Variants in ETV6 observed in about 807,000 individuals in gnomAD.
ETV6 encodes transcription factor ETV6.
Under a neutral mutation model 51.1 loss-of-function variants are expected in ETV6, and 16 were observed. The ratio of observed to expected loss-of-function variants is 0.31; its 90% CI spans 0.21 to 0.48. ETV6 has a LOEUF of 0.48. Ranked by LOEUF, ETV6 falls within the 20% of genes least tolerant of loss-of-function variation. ETV6 has a pLI of 0.99. For missense variants in ETV6, 458 were observed against 594.8 expected, an observed-to-expected ratio of 0.77 and a Z score of 2.39; for synonymous variants, 240 against 224.1, an observed-to-expected ratio of 1.07 and a Z score of -0.64.
At chr12:11,714,937 G>A (rs1160562719) in intron 1 of ETV6, among the ~76,000 whole-genome samples, 2 of 152,200 alleles carry the variant, frequency 1.3e-5, no homozygotes, top group African/African-American at 4.8e-5. Context: ...GTCGTGGAAG[G>A]TGGATTGGAG....
At chr12:11,815,559 C>T (rs1055135340) in intron 2 of ETV6, among the ~76,000 whole-genome samples, 14 of 152,266 alleles carry the variant, frequency 9.2e-5, no homozygotes, top group African/African-American at 3.4e-4. Flanking sequence ...GCCCCGTTCC[C>T]TTCAGGTGGC....
chr12:11,840,947 A>C (rs923946911), intron 3 of ETV6: 1 of 162,550 alleles, frequency 6.2e-6, no homozygotes, highest in African/African-American at 2.4e-5. Context: ...TCAAAGAGGC[A>C]ACGTTATATA....
rs539682572 is a variant in ETV6, at chr12:11,678,597, G to C, written c.33+28437G>C. On this transcript the variant is annotated intron_variant, in intron 1 of 7. Transcript: ENST00000396373. ...TTCATACAATTTCAAGAATTAATATGAGTTATGAGGGTTCTCCAGAGAAAC... is the reference window on the plus strand; with the variant it reads ...TTCATACAATTTCAAGAATTAATATCAGTTATGAGGGTTCTCCAGAGAAAC... Among the ~76,000 whole-genome samples the C allele has an allele frequency of 4.9e-4, 75 of 152,222 alleles. 1 individual carries two copies. The South Asian group carries it at 0.015, about 30-fold the overall frequency.
At chr12:11,842,873 A>G (rs1156244419) in intron 3 of ETV6, among the ~76,000 whole-genome samples, 1 of 151,418 alleles carries the variant, frequency 6.6e-6, no homozygotes, top group East Asian at 1.9e-4. Context: ...GCTAGCTAAG[A>G]TGGGGAGCTG....
chr12:11,830,353 T>C (rs7298239), intron 2 of ETV6, among the ~76,000 whole-genome samples: 1,551 of 152,366 alleles, frequency 0.01, 29 homozygotes, highest in African/African-American at 0.035. Flanking sequence ...GGAAGTTCAC[T>C]GGGTAATACA....
intron 2 of ETV6, among the ~76,000 whole-genome samples, chr12:11,783,673 G>A (rs956928746): frequency 4.6e-5 from 7 of 152,300 alleles, no homozygotes; most frequent in Middle Eastern, 6.8e-3. Flanking sequence ...GAAAAAATAA[G>A]AGGCAAAGTA....
intron 3 of ETV6, among the ~76,000 whole-genome samples, chr12:11,852,141 G>T (rs1177093037): frequency 6.6e-6 from 1 of 152,196 alleles, no homozygotes; most frequent in Non-Finnish European, 1.5e-5. Flanking sequence ...AGGGTTTTGA[G>T]GCACCCACCT....
chr12:11,760,493 A>G (rs1945069128), intron 2 of ETV6, among the ~76,000 whole-genome samples: 1 of 152,194 alleles, frequency 6.6e-6, no homozygotes, highest in African/African-American at 2.4e-5. Context: ...TGGGGGTACT[A>G]ACTGAAATGG....
intron 1 of ETV6, among the ~76,000 whole-genome samples, chr12:11,663,481 G>C (rs1003434851): frequency 3.9e-5 from 6 of 152,240 alleles, no homozygotes; most frequent in African/African-American, 1.4e-4. Context: ...ATGATAAATT[G>C]CAGAAATTAT....
intron 1 of ETV6, among the ~76,000 whole-genome samples, chr12:11,676,387 C>T (rs1864422116): frequency 6.6e-6 from 1 of 152,212 alleles, no homozygotes. Context: ...TTCTATTACT[C>T]TCAGGTTAAA....
At chr12:11,662,054 C>T (rs1477530566) in intron 1 of ETV6, among the ~76,000 whole-genome samples, 1 of 152,128 alleles carries the variant, frequency 6.6e-6, no homozygotes, top group African/African-American at 2.4e-5. Context: ...TGTTAGGTAA[C>T]ATCTCAAGTA....
At chr12:11,821,398 C>T (rs73277142) in intron 2 of ETV6, among the ~76,000 whole-genome samples, 8,303 of 151,830 alleles carry the variant, frequency 0.055, 356 homozygotes, top group African/African-American at 0.11. Flanking sequence ...GAAACAAGGG[C>T]GACTGGAAGG....
In ETV6 at chr12:11,788,761, T is replaced by G. The variant is rs909041883; in HGVS notation, c.163+36182T>G. 9.7e-3 allele frequency among the ~76,000 whole-genome samples: 1,471 copies of G among 151,534 alleles called. 27 individuals carry two copies. Among genetic ancestry groups the G allele is most frequent in the African/African-American group, 0.033 (1,352 of 41,304 alleles). On this transcript the variant is annotated intron_variant, in intron 2 of 7. Transcript: ENST00000396373. ...TAAATCACGTGCTTGTATTGGTTTT[T>G]TTTTTTTTTTTTCATTTCTAAATAT...
rs1409399206 is a variant in ETV6, at chr12:11,736,458, A to G, written c.34-15992A>G. On this transcript the variant is annotated intron_variant, in intron 1 of 7. Transcript: ENST00000396373. ...TCAAGTCTGTCCAGGTATACTTGATATTGTTTTTGATCAGGTACAAGAAAC... is the reference window on the plus strand; with the variant it reads ...TCAAGTCTGTCCAGGTATACTTGATGTTGTTTTTGATCAGGTACAAGAAAC... 5.3e-5 allele frequency among the ~76,000 whole-genome samples: 8 copies of G among 152,322 alleles called. No homozygotes were observed. In the East Asian group the frequency reaches 1.3e-3, roughly 26 times the overall value.
intron 2 of ETV6, among the ~76,000 whole-genome samples, chr12:11,778,603 A>G (rs140919024): frequency 2.5e-4 from 38 of 152,254 alleles, no homozygotes; most frequent in African/African-American, 8.9e-4. Flanking sequence ...AGGGTAGATC[A>G]TTCCCAACTC....
chr12:11,783,709 A>T (rs2136372989), intron 2 of ETV6, among the ~76,000 whole-genome samples: 1 of 152,344 alleles, frequency 6.6e-6, no homozygotes, highest in South Asian at 2.1e-4. Flanking sequence ...TTTCATTTTC[A>T]ATGGAAAGAT....
chr12:11,777,484 T>C (rs1435135608), intron 2 of ETV6, among the ~76,000 whole-genome samples: 1 of 151,906 alleles, frequency 6.6e-6, no homozygotes, highest in African/African-American at 2.4e-5. Context: ...TTGCCCAGGA[T>C]TATTTCTGTC....
Position 11,861,071 on chromosome 12 carries a change from C to T in ETV6, c.463+7510C>T, listed in dbSNP as rs60858679. The stretch of plus-strand genomic sequence containing the variant: ...ATGTCCCCTTGCAGTATCTGGCGAG[C>T]GCTGGGTCCTCCATGACCCCTTTGG... On this transcript the variant is annotated intron_variant, in intron 4 of 7. Transcript: ENST00000396373. Among the ~76,000 whole-genome samples the T allele has an allele frequency of 1.2e-3, 185 of 152,322 alleles. 1 individual carries two copies. Among genetic ancestry groups the T allele is most frequent in the African/African-American group, 4.3e-3 (178 of 41,550 alleles).
In ETV6 at chr12:11,893,056, G is replaced by GTGA. The variant is rs1947319940; in HGVS notation, c.*2014_*2016dup. 4.3e-6 allele frequency: 1 copy of GTGA among 232,888 alleles called. No individual in the cohort carries two copies. The allele number at this position is 232,888 out of a possible 1,614,324, so 14.4% of individuals were successfully genotyped here. ...GAGTGGGTCTCAGTCTGCTTGAATG[G>GTGA]TGATGAGATTCTGCTGGATCTCAGC... is the stretch of plus-strand genomic sequence containing the variant. On this transcript the variant is annotated 3_prime_UTR_variant, in exon 8 of 8. Coordinates refer to ENST00000396373, the MANE Select transcript of ETV6 (RefSeq NM_001987.5).
Sources: gnomAD v4.1 joint callset for allele counts (sites outside exome capture counted in the v4.1 genomes callset) on GRCh38, gnomAD v4.1.1 for gene constraint, MANE v1.5 for transcripts, NCBI Gene and HGNC (gene_info 2026-07-23, HGNC 2026-07-21) for gene names.